Variants in NAV2 observed in about 807,000 individuals in gnomAD.
NAV2 encodes neuron navigator 2.
NAV2 carries 54 observed loss-of-function variants against 223.2 expected under a neutral mutation model. That is an observed-to-expected ratio of 0.24 (90% confidence interval 0.19 to 0.30). The LOEUF (loss-of-function observed/expected upper bound fraction) is 0.30. NAV2 is among the 10% of genes least tolerant of loss of function. The probability of loss-of-function intolerance (pLI) is 1.00; values close to 1 mark genes in which losing one functional copy is unlikely to be tolerated. For missense variants in NAV2, 2,806 were observed against 3,147.5 expected (o/e 0.89, Z 2.60); for synonymous variants, 1,279 against 1,239.3 (o/e 1.03, Z -0.67).
chr11:19,476,488 A>T (rs995302727), intron 1 of NAV2, among the ~76,000 whole-genome samples: 15 of 152,034 alleles, frequency 9.9e-5, no homozygotes, highest in African/African-American at 3.6e-4. Context: ...TTACCAACTG[A>T]TCTGATCCTA....
At chr11:20,004,379 A>C (rs2052843107) in intron 11 of NAV2, among the ~76,000 whole-genome samples, 1 of 152,132 alleles carries the variant, frequency 6.6e-6, no homozygotes, top group African/African-American at 2.4e-5. Flanking sequence ...TCAAATGGGC[A>C]TGTAAAGTCC....
chr11:19,566,259 G>A (rs1424122348), intron 1 of NAV2, among the ~76,000 whole-genome samples: 1 of 151,756 alleles, frequency 6.6e-6, no homozygotes, highest in African/African-American at 2.4e-5. Context: ...GTTGCTGTTG[G>A]TAAGAACAGG....
intron 11 of NAV2, among the ~76,000 whole-genome samples, chr11:20,017,862 A>G (rs2054142913): frequency 1.3e-5 from 2 of 152,196 alleles, no homozygotes; most frequent in African/African-American, 2.4e-5. Flanking sequence ...TGTGTGTCAC[A>G]TCTTTTAATG....
At chr11:20,079,619 C>G (rs1249649136) in intron 24 of NAV2, among the ~76,000 whole-genome samples, 3 of 152,034 alleles carry the variant, frequency 2.0e-5, no homozygotes, top group Non-Finnish European at 4.4e-5. Flanking sequence ...AAAAGAATAT[C>G]CAGATAGAGG....
At chr11:19,886,813 T>TGGGCA (rs997847759) in intron 5 of NAV2, among the ~76,000 whole-genome samples, 1 of 152,192 alleles carries the variant, frequency 6.6e-6, no homozygotes, top group Admixed American at 6.5e-5. Context: ...GAGGCTGGGC[T>TGGGCA]GGGCACAGTG....
chr11:19,741,618 G>A (rs2052812607), intron 1 of NAV2, among the ~76,000 whole-genome samples: 1 of 146,618 alleles, frequency 6.8e-6, no homozygotes, highest in Non-Finnish European at 1.5e-5. Context: ...TGATGCAAAT[G>A]GCATGATTTC....
intron 1 of NAV2, among the ~76,000 whole-genome samples, chr11:19,776,631 A>AGTGT (rs1565295867): frequency 8.8e-5 from 2 of 22,698 alleles, no homozygotes; most frequent in Admixed American, 3.6e-4. Context: ...GGGGTCAGAA[A>AGTGT]ATGTGTGTGT....
chr11:19,791,833 C>T (rs1027846025), intron 1 of NAV2, among the ~76,000 whole-genome samples: 1 of 152,194 alleles, frequency 6.6e-6, no homozygotes, highest in African/African-American at 2.4e-5. Flanking sequence ...CTCTGGGCCT[C>T]ATTCACTCCG....
chr11:19,664,540 T>C (rs139948001), intron 1 of NAV2, among the ~76,000 whole-genome samples: 1 of 152,218 alleles, frequency 6.6e-6, no homozygotes, highest in East Asian at 1.9e-4. Context: ...GCCAATATGG[T>C]GGTAACAGGA....
chr11:19,641,712 CTCTT>C (rs2047671730), intron 1 of NAV2, among the ~76,000 whole-genome samples: 1 of 151,942 alleles, frequency 6.6e-6, no homozygotes, highest in Non-Finnish European at 1.5e-5. Flanking sequence ...CCTATGGTGA[CTCTT>C]TCTCATCCTT....
Position 19,713,199 on chromosome 11 carries a change from T to A in NAV2, c.-497T>A, listed in dbSNP as rs1374306838. 1.9e-6 allele frequency: 1 copy of A among 523,992 alleles called. No homozygotes were observed. Among genetic ancestry groups the A allele is most frequent in the African/African-American group, 2.1e-5 (1 of 48,334 alleles). The allele number at this position is 523,992 out of a possible 1,614,324, so 32.5% of individuals were successfully genotyped here. On this transcript the variant is annotated 5_prime_UTR_variant, in exon 1 of 38. Transcript: ENST00000349880. The surrounding 1 kb of genome is among the most constrained non-coding windows in gnomAD (Gnocchi z 7.2). ...CCTTCTTCTCTCCTTCCTTCGCTGC[T>A]GTCTCCTTTCCTTCCTTGGCTGCTC... is the stretch of plus-strand genomic sequence containing the variant.
chr11:19,979,671 T>C (rs2050129242), intron 10 of NAV2, among the ~76,000 whole-genome samples: 2 of 152,202 alleles, frequency 1.3e-5, no homozygotes, highest in Non-Finnish European at 2.9e-5. Context: ...TCTTAGTCCC[T>C]AGTAGGTTTT....
intron 11 of NAV2, among the ~76,000 whole-genome samples, chr11:20,005,434 T>A: frequency 6.6e-6 from 1 of 151,624 alleles, no homozygotes. Flanking sequence ...TTAGTAGAGA[T>A]AGGGTTTCAC....
intron 1 of NAV2, among the ~76,000 whole-genome samples, chr11:19,557,487 T>A (rs1304359249): frequency 1.3e-5 from 2 of 152,242 alleles, no homozygotes; most frequent in Admixed American, 1.3e-4. Flanking sequence ...GATTAAATGT[T>A]GTCTATGCAA....
intron 1 of NAV2, among the ~76,000 whole-genome samples, chr11:19,504,580 T>C (rs1402093241): frequency 1.3e-5 from 2 of 152,198 alleles, no homozygotes; most frequent in Non-Finnish European, 2.9e-5. Context: ...AAGGTGGAGC[T>C]ATCCTATCTG....
chr11:19,773,108 T>A (rs2055851927), intron 1 of NAV2, among the ~76,000 whole-genome samples: 1 of 152,160 alleles, frequency 6.6e-6, no homozygotes, highest in Admixed American at 6.5e-5. Context: ...CCTGAACCCC[T>A]CTTCATTCCA....
chr11:19,440,032 T>C (rs893980429), intron 1 of NAV2, among the ~76,000 whole-genome samples: 1 of 152,266 alleles, frequency 6.6e-6, no homozygotes, highest in African/African-American at 2.4e-5. Flanking sequence ...TGAAGTTATA[T>C]AATTAAAAGC....
intron 10 of NAV2, among the ~76,000 whole-genome samples, chr11:19,950,709 C>G (rs2047321846): frequency 6.6e-6 from 1 of 152,200 alleles, no homozygotes; most frequent in Admixed American, 6.5e-5. Context: ...CCCCTTTACC[C>G]TCTGAAGGTT....
chr11:19,868,468 G>A (rs1310080940), intron 3 of NAV2, among the ~76,000 whole-genome samples: 2 of 152,218 alleles, frequency 1.3e-5, no homozygotes, highest in South Asian at 2.1e-4. Flanking sequence ...CCTGCCATCC[G>A]GAGAATTTTG....
Sources: gnomAD v4.1 joint callset for allele counts (sites outside exome capture counted in the v4.1 genomes callset) on GRCh38, gnomAD v4.1.1 for gene constraint, Gnocchi (gnomAD v3.1) non-coding constraint, MANE v1.5 for transcripts, NCBI Gene and HGNC (gene_info 2026-07-23, HGNC 2026-07-21) for gene names.